MEP1B: variants seen among roughly 807,000 people sequenced by gnomAD.
MEP1B encodes the protein N-benzoyl-L-tyrosyl-P-amino-benzoic acid hydrolase subunit beta.
A neutral mutation model predicts 84.6 loss-of-function variants in MEP1B; 80 were observed. That is an observed-to-expected ratio of 0.95 (90% CI 0.79 to 1.14). The LOEUF is 1.14. MEP1B is among the 50% of genes most tolerant of loss of function. The pLI is 0.00. For missense variants in MEP1B, 766 were observed against 855.1 expected, an observed-to-expected ratio of 0.90 and a Z score of 1.30; for synonymous variants, 273 against 288.1, an observed-to-expected ratio of 0.95 and a Z score of 0.53.
At chr18:32,209,782 T>G (rs1355742068) in intron 9 of MEP1B, among the ~76,000 whole-genome samples, 1 of 150,552 alleles carries the variant, frequency 6.6e-6, no homozygotes, top group Non-Finnish European at 1.5e-5. Flanking sequence ...TGTGACAGTT[T>G]GAAGCCAAAG....
chr18:32,195,531 CA>C (rs1381314116), intron 5 of MEP1B, 46 bp downstream of exon 5: 1 of 1,259,412 alleles, frequency 7.9e-7, no homozygotes, highest in Non-Finnish European at 1.1e-6. Context: ...CTATTTCTGA[CA>C]AAATATGATT....
intron 10 of MEP1B, among the ~76,000 whole-genome samples, chr18:32,212,082 G>A (rs1029217112): frequency 1.0e-4 from 15 of 147,236 alleles, no homozygotes; most frequent in African/African-American, 3.7e-4. Flanking sequence ...TTATATATAA[G>A]CCATATATGT....
chr18:32,215,651 T>C (rs923799357), intron 12 of MEP1B, among the ~76,000 whole-genome samples: 8 of 152,118 alleles, frequency 5.3e-5, no homozygotes, highest in South Asian at 2.1e-4. Context: ...GGTGAAACCC[T>C]GTCTCTACTA....
intron 14 of MEP1B, among the ~76,000 whole-genome samples, chr18:32,219,446 GATCAGTGA>G (rs2041127041): frequency 6.6e-6 from 1 of 152,170 alleles, no homozygotes; most frequent in Non-Finnish European, 1.5e-5. Flanking sequence ...AAAAGGGGAA[GATCAGTGA>G]ATACTTGGCC....
At chr18:32,215,918 A>C (rs1000498119) in intron 12 of MEP1B, among the ~76,000 whole-genome samples, 16 of 142,060 alleles carry the variant, frequency 1.1e-4, no homozygotes, top group African/African-American at 4.0e-4. Flanking sequence ...AAATGACTGG[A>C]AACGTCTGCA....
intron 2 of MEP1B, among the ~76,000 whole-genome samples, 154 bp from the exon 3 acceptor site, chr18:32,192,488 TAATC>T (rs553048003): frequency 8.5e-5 from 13 of 152,048 alleles, no homozygotes; most frequent in Admixed American, 2.0e-4. Context: ...AGGAGATTCT[TAATC>T]AATCAATCAA....
intron 9 of MEP1B, among the ~76,000 whole-genome samples, chr18:32,209,758 C>A (rs987381752): frequency 2.6e-5 from 4 of 151,432 alleles, no homozygotes; most frequent in African/African-American, 9.7e-5. Context: ...TTCTTTTTTT[C>A]TTCCTTCTTT....
In MEP1B at chr18:32,217,848, A is replaced by T; in HGVS notation, c.1974A>T (p.Ser658=). ...GAGACACCATAGTCATTGCTGTTTC[A>T]TCTACTGTTGCTGTGTTTGCCTTGA... The part of the protein sequence containing the change: ...STRDTIVIAV[S]STVAVFALML... The change falls in exon 14 of 15, where the codon TCA becomes TCT. Residue 658 remains serine, a synonymous_variant. Coordinates refer to ENST00000269202, the MANE Select transcript of MEP1B (RefSeq NM_005925.3). 6.2e-7 allele frequency: 1 copy of T among 1,613,926 alleles called. No homozygotes were observed. Among genetic ancestry groups the T allele is most frequent in the Admixed American group, 1.7e-5 (1 of 60,006 alleles).
At chr18:32,191,719 T>C in intron 1 of MEP1B, 103 bp from the exon 2 acceptor site, 5 of 711,218 alleles carry the variant, frequency 7.0e-6, no homozygotes, top group Non-Finnish European at 1.2e-5. Flanking sequence ...ATAATATTAA[T>C]GACAAAACAA....
chr18:32,198,233 C>A (rs1598888525), intron 5 of MEP1B, among the ~76,000 whole-genome samples: 1 of 152,284 alleles, frequency 6.6e-6, no homozygotes, highest in East Asian at 1.9e-4. Context: ...ACTGACATGA[C>A]CTCCTGGAGC....
intron 6 of MEP1B, among the ~76,000 whole-genome samples, chr18:32,203,833 A>G (rs2040936758): frequency 6.6e-6 from 1 of 152,090 alleles, no homozygotes; most frequent in African/African-American, 2.4e-5. Flanking sequence ...CAGGAGCCAG[A>G]GAAAGAGTGG....
Sources: allele counts gnomAD v4.1 joint callset (sites outside exome capture counted in the v4.1 genomes callset), GRCh38; gene constraint gnomAD v4.1.1; transcripts MANE v1.5; gene names NCBI Gene and HGNC (gene_info 2026-07-23, HGNC 2026-07-21).